Variants in PRAM1 observed in about 807,000 individuals in gnomAD.
The protein encoded by PRAM1 is PML-RARA-regulated adapter molecule 1.
Under a neutral mutation model 55.3 loss-of-function variants are expected in PRAM1, and 41 were observed. That is an observed-to-expected ratio of 0.74 (90% CI 0.58 to 0.96). The LOEUF is 0.96. PRAM1 is among the 40% of genes least tolerant of loss of function. The pLI, the probability that PRAM1 is intolerant of heterozygous loss-of-function variation, is 0.00. For missense variants in PRAM1, 898 were observed against 892.7 expected, an observed-to-expected ratio of 1.01 and a Z score of -0.08; for synonymous variants, 401 against 387.1, an observed-to-expected ratio of 1.04 and a Z score of -0.42.
chr19:8,498,181 C>T (rs750261083), intron 3 of PRAM1, 42 bp downstream of exon 3: 3 of 1,589,942 alleles, frequency 1.9e-6, no homozygotes, highest in Non-Finnish European at 1.7e-6. Context: ...CCTCTTTGAG[C>T]CCCACAATCC....
intron 3 of PRAM1, 37 bp downstream of exon 3, chr19:8,498,186 C>T (rs1178970675): frequency 6.3e-7 from 1 of 1,597,482 alleles, no homozygotes; most frequent in Admixed American, 1.7e-5. Flanking sequence ...TTGAGCCCCA[C>T]AATCCGCACC....
At position 8,490,829 on chromosome 19, in the gene PRAM1, A is replaced by T; in HGVS notation, c.1743+58T>A. ...CCCCTGTCTTCTTTCTGAGCCTGGG[A>T]TCGGTGGGACCCTGGTCTCCGCCCT... On this transcript the variant is annotated intron_variant, in intron 6 of 9. Transcript: ENST00000423345. The surrounding 1 kb of genome is among the most constrained non-coding windows in gnomAD (Gnocchi z 7.3). 1.2e-6 allele frequency: 2 copies of T among 1,608,464 alleles called. No homozygotes were observed. The highest frequency in any genetic ancestry group is 1.7e-6 in the Non-Finnish European group (2 of 1,178,942).
rs1302028250 is a variant in PRAM1, at chr19:8,499,760, C to T, written c.48G>A (p.Arg16=). The part of the protein sequence containing the change: ...PAAMESHQDF[R]SIKAKFQASQ... ...AGGCCTGGAACTTTGCTTTGATGCT[C>T]CGGAAGTCCTGATGGCTCTCCTAGG... The change falls in exon 2 of 10, where the codon CGG becomes CGA. Residue 16 remains arginine (R), a synonymous_variant. Coordinates refer to ENST00000423345, the MANE Select transcript of PRAM1 (RefSeq NM_032152.5). The T allele has an allele frequency of 6.2e-7, 1 of 1,608,186 alleles. No individual in the cohort carries two copies.
Position 8,498,218 on chromosome 19 carries a change from C to G in PRAM1, c.1499+5G>C, listed in dbSNP as rs747619578. On this transcript the variant is annotated splice_donor_5th_base_variant and intron_variant, in intron 3 of 9. Transcript: ENST00000423345. ...CACCCACCTCCGCTTCCTCCCCACA[C>G]TCACTGCGGGATGTCTTCAGGCTGT... 2 of 1,611,614 alleles carry G rather than the reference C, an allele frequency of 1.2e-6. No homozygotes were observed. The highest frequency in any genetic ancestry group is 1.7e-5 in the Admixed American group (1 of 59,858).
chr19:8,498,570 G>A lies in PRAM1; in HGVS notation c.1238C>T (p.Ala413Val). 6.2e-7 allele frequency: 1 copy of A among 1,612,282 alleles called. No individual in the cohort carries two copies. Among genetic ancestry groups the A allele is most frequent in the Non-Finnish European group, 8.5e-7 (1 of 1,179,540 alleles). Reference protein sequence around the residue: ...RHPLSPGFGAAGTPRWRSGGL... With the variant: ...RHPLSPGFGAVGTPRWRSGGL... ...TCCTGACCTCCAGCGGGGTGTCCCA[G>A]CCGCTCCAAACCCAGGGCTGAGCGG... The change falls in exon 2 of 10, where the codon GCT (alanine) becomes GTT (valine). Residue 413 changes from alanine to valine, a missense_variant. Around this residue, in one of 4 missense-constraint regions of PRAM1, gnomAD observed 787 missense variants for 735.4 expected, o/e 1.07. Coordinates refer to ENST00000423345, the MANE Select transcript of PRAM1 (RefSeq NM_032152.5).
At chr19:8,494,998 G>A (rs932336064) in intron 4 of PRAM1, among the ~76,000 whole-genome samples, 5 of 151,374 alleles carry the variant, frequency 3.3e-5, no homozygotes, top group Admixed American at 2.6e-4. Context: ...GGAGTGCAGC[G>A]GCGCGATGTC....
Position 8,501,507 on chromosome 19 carries a change from A to ATTTT in PRAM1, c.27+1054_27+1057dup, listed in dbSNP as rs773534887. ...TTTACATTGTTTTTAATGTGTCTTG[A>ATTTT]TTTTTTTTTTTTTTTTTTTTTGTCT... On this transcript the variant is annotated intron_variant, in intron 1 of 9. Transcript: ENST00000423345. Among the ~76,000 whole-genome samples the ATTTT allele has an allele frequency of 2.5e-3, 261 of 102,846 alleles. 8 individuals are homozygous for ATTTT. Among genetic ancestry groups the ATTTT allele is most frequent in the Middle Eastern group, 6.8e-3 (1 of 146 alleles). The allele number at this position is 102,846 out of a possible 152,430, so 67.5% of individuals were successfully genotyped here.
In PRAM1 at chr19:8,493,030, C is replaced by T. The variant is rs761416674; in HGVS notation, c.1577-1873G>A. Among the ~76,000 whole-genome samples, 1 of 152,144 alleles carries T rather than the reference C, an allele frequency of 6.6e-6. No individual in the cohort carries two copies. Among genetic ancestry groups the T allele is most frequent in the Non-Finnish European group, 1.5e-5 (1 of 68,018 alleles). On this transcript the variant is annotated intron_variant, in intron 4 of 9. Coordinates refer to ENST00000423345, the MANE Select transcript of PRAM1 (RefSeq NM_032152.5). The surrounding 1 kb of genome is among the most constrained non-coding windows in gnomAD (Gnocchi z 4.1). ...AAATAAAAATAATTTTTAAAAGATG[C>T]TGCTAGGGTAAGCGTCCTGGACTGG...
chr19:8,500,848 C>G (rs8102240), intron 1 of PRAM1, among the ~76,000 whole-genome samples: 1 of 152,154 alleles, frequency 6.6e-6, no homozygotes, highest in Non-Finnish European at 1.5e-5. Context: ...TCACTGCAAT[C>G]TCCACTTCCC....
chr19:8,498,922 T>G lies in PRAM1; in HGVS notation c.886A>C (p.Thr296Pro). The G allele has an allele frequency of 6.2e-7, 1 of 1,613,322 alleles. No individual in the cohort carries two copies. Among genetic ancestry groups the G allele is most frequent in the Non-Finnish European group, 8.5e-7 (1 of 1,179,692 alleles). Residue 296 changes from threonine (T) to proline (P), a missense_variant, in exon 2 of 10, where the codon ACC (threonine) becomes CCC (proline). Transcript: ENST00000423345. Reference protein sequence around the residue: ...PQPELGDLTRTSSEPEVSVLP... With the variant: ...PQPELGDLTRPSSEPEVSVLP... Reference sequence around the variant, plus strand: ...ACGCTGACTTCGGGCTCTGAGGAGGTCCTGGTGAGGTCCCCAAGCTCAGGC... The same window carrying G: ...ACGCTGACTTCGGGCTCTGAGGAGGGCCTGGTGAGGTCCCCAAGCTCAGGC...
chr19:8,492,552 C>G (rs118102368), intron 4 of PRAM1, among the ~76,000 whole-genome samples: 1 of 152,076 alleles, frequency 6.6e-6, no homozygotes, highest in South Asian at 2.1e-4. Flanking sequence ...CCACTGCACC[C>G]GGTAGGTTCT....
rs191757126 is a variant in PRAM1 at position 8,500,822 on chromosome 19, A to G, written c.28-1042T>C. On this transcript the variant is annotated intron_variant, in intron 1 of 9. Coordinates refer to ENST00000423345, the MANE Select transcript of PRAM1 (RefSeq NM_032152.5). ...GCTCTGTCACCCAGACTGGAGTGCA[A>G]TGGCGCGATCTCGGCTCACTGCAAT... 3.3e-5 allele frequency among the ~76,000 whole-genome samples: 5 copies of G among 151,686 alleles called. No homozygotes were observed. The East Asian group carries it at 7.8e-4, about 24-fold the overall frequency.
Position 8,499,729 on chromosome 19 carries a change from G to A in PRAM1, c.79C>T (p.Pro27Ser), listed in dbSNP as rs750944789. The change falls in exon 2 of 10, where the codon CCG becomes TCG. Residue 27 changes from proline to serine, a missense_variant. Physicochemically the swap from Pro to Ser is moderately conservative, Grantham distance 74. Around this residue, in one of 4 missense-constraint regions of PRAM1, gnomAD observed 79 missense variants for 93.4 expected, o/e 0.85. Transcript: ENST00000423345. Reference protein sequence around the residue: ...SIKAKFQASQPEPSDLPKKPP... With the variant: ...SIKAKFQASQSEPSDLPKKPP... ...TTTTTGGGCAGGTCGCTGGGCTCCG[G>A]CTGAGAGGCCTGGAACTTTGCTTTG... 9.3e-6 allele frequency: 15 copies of A among 1,613,474 alleles called. No homozygotes were observed. Among genetic ancestry groups the A allele is most frequent in the Admixed American group, 3.3e-5 (2 of 59,894 alleles).
Position 8,490,920 on chromosome 19 carries a change from C to T in PRAM1, c.1710G>A (p.Glu570=), listed in dbSNP as rs1971616536. 1 of 1,613,696 alleles carries T rather than the reference C, an allele frequency of 6.2e-7. No homozygotes were observed. The highest frequency in any genetic ancestry group is 1.3e-5 in the African/African-American group (1 of 74,938). ...TCTTCCGGAACTCCCTCTCGGCCTT[C>T]TCTGCCTTCCTCAGCTGCTTCAGCA... ...PKLLKQLRKA[E]KAEREFRKKF... is the part of the protein sequence containing the mutation. Residue 570 remains glutamate (E), a synonymous_variant, in exon 6 of 10, where the codon GAG becomes GAA. Coordinates refer to ENST00000423345, the MANE Select transcript of PRAM1 (RefSeq NM_032152.5). This position sits in a 1 kb window ranked among gnomAD's most constrained non-coding sequence, Gnocchi z 7.3.
intron 5 of PRAM1, 39 bp downstream of exon 5, chr19:8,491,061 G>A (rs772329742): frequency 6.2e-7 from 1 of 1,611,908 alleles, no homozygotes; most frequent in Non-Finnish European, 8.5e-7. Context: ...GGTTCCTGGA[G>A]CTCGCCCCCC....
Position 8,490,228 on chromosome 19 carries a change from T to A in PRAM1, c.1976-2A>T. 6.2e-7 allele frequency: 1 copy of A among 1,604,468 alleles called. No homozygotes were observed. The highest frequency in any genetic ancestry group is 1.1e-5 in the South Asian group (1 of 89,830). On this transcript the variant is annotated splice_acceptor_variant, in intron 9 of 9. Transcript: ENST00000423345. LOFTEE classifies it high-confidence loss of function. The surrounding 1 kb of genome is among the most constrained non-coding windows in gnomAD (Gnocchi z 7.3). ...GGAGTGGTTGGTTTTCCAGGGGATC[T>A]GCCGAGGAAGCGTGACTTCCATGGA...
chr19:8,495,839 A>C (rs998039968), intron 4 of PRAM1, among the ~76,000 whole-genome samples: 1 of 147,664 alleles, frequency 6.8e-6, no homozygotes, highest in East Asian at 2.0e-4. Context: ...TACGGATTTA[A>C]GGACAGATTT....
At chr19:8,497,553 C>T (rs1443087031) in intron 4 of PRAM1, among the ~76,000 whole-genome samples, 2 of 152,166 alleles carry the variant, frequency 1.3e-5, no homozygotes, top group Non-Finnish European at 2.9e-5. Flanking sequence ...AATTCACCCA[C>T]TGCTCCCACA....
intron 4 of PRAM1, among the ~76,000 whole-genome samples, chr19:8,496,833 C>T (rs1371899953): frequency 6.6e-6 from 1 of 151,750 alleles, no homozygotes; most frequent in Non-Finnish European, 1.5e-5. Context: ...GTCAGGAGAT[C>T]GAGACCACGG....
Sources: gnomAD v4.1 joint callset for allele counts (sites outside exome capture counted in the v4.1 genomes callset) on GRCh38, gnomAD v4.1.1 for gene constraint, gnomAD v4.1.1 regional missense constraint, Gnocchi (gnomAD v3.1) non-coding constraint, MANE v1.5 for transcripts, NCBI Gene and HGNC (gene_info 2026-07-23, HGNC 2026-07-21) for gene names.